TMCC3: variants seen among roughly 807,000 people sequenced by gnomAD.
TMCC3 encodes the protein transmembrane and coiled-coil domain family 3, also known as transmembrane and coiled-coil domain protein 3.
TMCC3 carries 28 observed loss-of-function variants against 40.2 expected under a neutral mutation model. That is an observed-to-expected ratio of 0.70 (90% CI 0.52 to 0.95). The LOEUF (loss-of-function observed/expected upper bound fraction) is 0.95, where lower values mean the gene tolerates loss of function less well. TMCC3 is among the 40% of genes least tolerant of loss of function. The probability of loss-of-function intolerance (pLI) is 0.00; values close to 1 mark genes in which losing one functional copy is unlikely to be tolerated. For missense variants in TMCC3, 554 were observed against 615.2 expected, an observed-to-expected ratio of 0.90 and a Z score of 1.05; for synonymous variants, 255 against 248.5, an observed-to-expected ratio of 1.03 and a Z score of -0.25.
chr12:94,583,687 C>T (rs953541888), intron 1 of TMCC3, among the ~76,000 whole-genome samples: 2 of 152,170 alleles, frequency 1.3e-5, no homozygotes, highest in African/African-American at 4.8e-5. Flanking sequence ...TCTATGGATG[C>T]CTCTCATGGG....
chr12:94,573,821 C>A (rs1351768458), intron 3 of TMCC3, among the ~76,000 whole-genome samples: 2 of 124,830 alleles, frequency 1.6e-5, no homozygotes, highest in Non-Finnish European at 3.7e-5. Context: ...GCCTCCCCCA[C>A]TCCATCCCTT....
intron 1 of TMCC3, among the ~76,000 whole-genome samples, chr12:94,646,737 C>CTTTT (rs56738383): frequency 8.3e-5 from 11 of 131,788 alleles, no homozygotes; most frequent in East Asian, 2.1e-4. Context: ...CCGTGCCTGG[C>CTTTT]TTTTTTTTTT....
At chr12:94,628,154 G>T (rs1242785619) in intron 1 of TMCC3, among the ~76,000 whole-genome samples, 1 of 152,188 alleles carries the variant, frequency 6.6e-6, no homozygotes, top group Non-Finnish European at 1.5e-5. Context: ...TGCCATGAAA[G>T]GTGCCCGAGT....
At position 94,582,552 on chromosome 12, in the gene TMCC3, G is replaced by GA; in HGVS notation, c.79-15dup. The GA allele has an allele frequency of 6.4e-7, 1 of 1,563,592 alleles. No homozygotes were observed. The highest frequency in any genetic ancestry group is 8.6e-7 in the Non-Finnish European group (1 of 1,156,932). On this transcript the variant is annotated splice_polypyrimidine_tract_variant and intron_variant, in intron 1 of 3. Coordinates refer to ENST00000261226, the MANE Select transcript of TMCC3 (RefSeq NM_020698.4). ...ATGACGTTCTACCTGAAAGAGACAG[G>GA]AAAGAAGCACATTAAAATTTGAAGT...
chr12:94,635,563 C>A (rs1392173742), intron 1 of TMCC3, among the ~76,000 whole-genome samples: 1 of 151,986 alleles, frequency 6.6e-6, no homozygotes, highest in East Asian at 1.9e-4. Flanking sequence ...TTAAAACACA[C>A]ACGCACAAAA....
intron 1 of TMCC3, among the ~76,000 whole-genome samples, chr12:94,637,978 G>A (rs2068969950): frequency 6.6e-6 from 1 of 152,190 alleles, no homozygotes; most frequent in Non-Finnish European, 1.5e-5. Context: ...GATGGGGCAG[G>A]TACCCACAGG....
chr12:94,619,537 C>T (rs1594290935), intron 1 of TMCC3, among the ~76,000 whole-genome samples: 1 of 152,196 alleles, frequency 6.6e-6, no homozygotes, highest in African/African-American at 2.4e-5. Flanking sequence ...CTGCCTGCTG[C>T]ATCAGACTCA....
chr12:94,608,453 T>C (rs1344573255), intron 1 of TMCC3, among the ~76,000 whole-genome samples: 1 of 152,158 alleles, frequency 6.6e-6, no homozygotes, highest in Non-Finnish European at 1.5e-5. Flanking sequence ...GCCTCCCACA[T>C]ACTCTAACAT....
intron 1 of TMCC3, among the ~76,000 whole-genome samples, chr12:94,629,482 C>T (rs139394652): frequency 6.6e-6 from 1 of 152,246 alleles, no homozygotes; most frequent in Non-Finnish European, 1.5e-5. Flanking sequence ...GTGCCCACAT[C>T]TGACTGATCT....
chr12:94,578,446 CT>C lies in TMCC3; in HGVS notation c.1078del (p.Ser360AlafsTer46). On this transcript the variant is annotated frameshift_variant, in exon 3 of 4. Transcript: ENST00000261226. LOFTEE classifies it high-confidence loss of function. The part of the protein sequence containing the change: ...ETANLKQELA[S>X]IEEKVAYQAY... ...CTGGTAGGCCACCTTCTCCTCAATG[CT>C]GGCCAGCTCCTGCTTCAGGTTGGCT... is the stretch of plus-strand genomic sequence containing the variant. 2 of 1,614,180 alleles carry C rather than the reference CT, an allele frequency of 1.2e-6. No homozygotes were observed. Among genetic ancestry groups the C allele is most frequent in the Non-Finnish European group, 1.7e-6 (2 of 1,180,034 alleles).
chr12:94,582,073 C>T lies in TMCC3; in HGVS notation c.544G>A (p.Glu182Lys). Reference protein sequence around the residue: ...VKSRTAPHCMESSKSGMPGVS... With the variant: ...VKSRTAPHCMKSSKSGMPGVS... ...CCTGGCATGCCCGATTTGCTGCTCTCCATGCAATGGGGGGCAGTTCGAGAT... is the reference window on the plus strand; with the variant it reads ...CCTGGCATGCCCGATTTGCTGCTCTTCATGCAATGGGGGGCAGTTCGAGAT... Residue 182 changes from glutamate to lysine, a missense_variant, in exon 2 of 4, where the codon GAG becomes AAG. Glu to Lys is a moderately conservative substitution (Grantham distance 56). Transcript: ENST00000261226. 1 of 1,614,194 alleles carries T rather than the reference C, an allele frequency of 6.2e-7. No homozygotes were observed. Among genetic ancestry groups the T allele is most frequent in the Non-Finnish European group, 8.5e-7 (1 of 1,180,038 alleles).
At chr12:94,616,065 T>C (rs1279264811) in intron 1 of TMCC3, 2 of 985,314 alleles carry the variant, frequency 2.0e-6, no homozygotes, top group African/African-American at 1.7e-5. Flanking sequence ...ACTTTGGAGA[T>C]ACTGCTCACA....
At chr12:94,630,497 G>A (rs1338850033) in intron 1 of TMCC3, among the ~76,000 whole-genome samples, 9 of 152,056 alleles carry the variant, frequency 5.9e-5, no homozygotes, top group Admixed American at 2.6e-4. Flanking sequence ...TGGACAAGTC[G>A]CTTAACCCCT....
At chr12:94,637,676 A>C (rs2068967514) in intron 1 of TMCC3, among the ~76,000 whole-genome samples, 1 of 152,218 alleles carries the variant, frequency 6.6e-6, no homozygotes, top group Non-Finnish European at 1.5e-5. Context: ...CACATGTGCA[A>C]AAATAAGTAA....
At chr12:94,598,145 G>A (rs1436735579) in intron 1 of TMCC3, among the ~76,000 whole-genome samples, 1 of 152,124 alleles carries the variant, frequency 6.6e-6, no homozygotes, top group African/African-American at 2.4e-5. Context: ...TCAAGAATCT[G>A]ATATTAGAAT....
intron 1 of TMCC3, among the ~76,000 whole-genome samples, chr12:94,647,700 G>A (rs2069027605): frequency 6.6e-6 from 1 of 152,148 alleles, no homozygotes; most frequent in Admixed American, 6.5e-5. Context: ...CATCACATAC[G>A]TTCTGGGTGT....
At chr12:94,586,885 G>A (rs150765032) in intron 1 of TMCC3, among the ~76,000 whole-genome samples, 95 of 152,360 alleles carry the variant, frequency 6.2e-4, no homozygotes, top group Middle Eastern at 6.8e-3. Flanking sequence ...CAAATCAATC[G>A]ATCTTACTGC....
intron 1 of TMCC3, among the ~76,000 whole-genome samples, chr12:94,631,261 C>A (rs1425428859): frequency 1.3e-5 from 2 of 152,074 alleles, no homozygotes; most frequent in East Asian, 3.9e-4. Flanking sequence ...ACATCAAATC[C>A]ACAAAGCCTA....
intron 1 of TMCC3, among the ~76,000 whole-genome samples, chr12:94,628,865 C>T (rs1566333917): frequency 6.6e-6 from 1 of 152,202 alleles, no homozygotes; most frequent in South Asian, 2.1e-4. Context: ...AAAATCACTG[C>T]AAGATTGCTT....
Sources: gnomAD v4.1 joint callset for allele counts (sites outside exome capture counted in the v4.1 genomes callset) on GRCh38, gnomAD v4.1.1 for gene constraint, MANE v1.5 for transcripts, NCBI Gene and HGNC (gene_info 2026-07-23, HGNC 2026-07-21) for gene names.